Variants in HACL2 observed in about 807,000 individuals in gnomAD.
HACL2 encodes 2-hydroxyacyl-CoA lyase 1 like.
chr19:15,122,723 G>A, the HACL2 span: 1 of 1,614,062 alleles, frequency 6.2e-7, no homozygotes. This position sits in a 1 kb window ranked among gnomAD's most constrained non-coding sequence, Gnocchi z 4.0. Context: ...GAGGCCCTTG[G>A]GTGGCTTGGC....
chr19:15,119,931 T>G, the HACL2 span: 4 of 1,280,346 alleles, frequency 3.1e-6, no homozygotes, highest in Non-Finnish European at 4.3e-6. Flanking sequence ...GGGGGCCCTC[T>G]CCCCTCAGGG....
At chr19:15,122,922 C>T in the HACL2 span, 78 of 1,607,770 alleles carry the variant, frequency 4.9e-5, no homozygotes, top group African/African-American at 9.3e-5. This position sits in a 1 kb window ranked among gnomAD's most constrained non-coding sequence, Gnocchi z 4.0. Flanking sequence ...GCAGCCATCG[C>T]GGCCCTCAGG....
At chr19:15,124,574 G>A in the HACL2 span, 1 of 302,182 alleles carries the variant, frequency 3.3e-6, no homozygotes, top group Non-Finnish European at 6.2e-6. Context: ...AACTGTCACT[G>A]CCACCCCCTC....
At chr19:15,121,535 G>C in the HACL2 span, among the ~76,000 whole-genome samples, 2 of 151,998 alleles carry the variant, frequency 1.3e-5, no homozygotes, top group African/African-American at 4.8e-5. Context: ...AAGAGAAGAG[G>C]CCAGGCGCAG....
chr19:15,116,746 G>A, the HACL2 span: 1 of 550,696 alleles, frequency 1.8e-6, no homozygotes. Context: ...AAGAAACAAG[G>A]GTTAAGGAGC....
At chr19:15,123,893 C>A in the HACL2 span, 1 of 406,488 alleles carries the variant, frequency 2.5e-6, no homozygotes, top group South Asian at 3.3e-5. This position sits in a 1 kb window ranked among gnomAD's most constrained non-coding sequence, Gnocchi z 5.1. Context: ...GATGGCAGGG[C>A]AATCAGGGAG....
chr19:15,122,108 T>C, the HACL2 span, among the ~76,000 whole-genome samples: 1 of 151,376 alleles, frequency 6.6e-6, no homozygotes, highest in South Asian at 2.1e-4. This position sits in a 1 kb window ranked among gnomAD's most constrained non-coding sequence, Gnocchi z 4.0. Flanking sequence ...GGTTTCACCA[T>C]GTTAGCCAGG....
the HACL2 span, chr19:15,119,561 AT>A: frequency 2.0e-6 from 3 of 1,519,570 alleles, no homozygotes; most frequent in East Asian, 2.3e-5. Context: ...TTATTTATTT[AT>A]TTTTTTGAGA....
At chr19:15,123,328 TAGCCCACAGTCCAACCAGTCCCC>T in the HACL2 span, 2 of 1,606,352 alleles carry the variant, frequency 1.2e-6, no homozygotes, top group East Asian at 4.5e-5. The surrounding 1 kb of genome is among the most constrained non-coding windows in gnomAD (Gnocchi z 5.1). Flanking sequence ...ACAGACACTC[TAGCCCACAGTCCAACCAGTCCCC>T]AGCCCTCTCT....
chr19:15,122,560 T>G, the HACL2 span: 71 of 756,992 alleles, frequency 9.4e-5, 1 homozygote, highest in African/African-American at 4.0e-4. The surrounding 1 kb of genome is among the most constrained non-coding windows in gnomAD (Gnocchi z 4.0). Flanking sequence ...TGCTGTTCCT[T>G]CTACCTGGAA....
chr19:15,117,491 C>G, the HACL2 span: 2 of 168,580 alleles, frequency 1.2e-5, no homozygotes, highest in African/African-American at 4.8e-5. Flanking sequence ...CTGGGCAACA[C>G]AGTGAGATGC....
the HACL2 span, among the ~76,000 whole-genome samples, chr19:15,119,681 G>T: frequency 6.6e-6 from 1 of 152,204 alleles, no homozygotes; most frequent in East Asian, 1.9e-4. Context: ...CTCCAGAGTA[G>T]CTGGGATTAC....
the HACL2 span, chr19:15,115,822 T>C: frequency 6.2e-7 from 1 of 1,604,404 alleles, no homozygotes; most frequent in Non-Finnish European, 8.5e-7. Flanking sequence ...CCCCAGGCCC[T>C]AAGCTTCCCT....
chr19:15,117,289 C>T, the HACL2 span: 6 of 153,804 alleles, frequency 3.9e-5, no homozygotes, highest in African/African-American at 1.4e-4. Context: ...GCTCTCTGTC[C>T]TGAGGGCAGT....
the HACL2 span, among the ~76,000 whole-genome samples, chr19:15,122,127 G>A: frequency 1.4e-4 from 21 of 150,982 alleles, no homozygotes; most frequent in East Asian, 1.4e-3. The surrounding 1 kb of genome is among the most constrained non-coding windows in gnomAD (Gnocchi z 4.0). Context: ...GGATGGTCTC[G>A]ATCTCCTGAC....
At chr19:15,115,413 T>C in the HACL2 span, 1 of 1,613,572 alleles carries the variant, frequency 6.2e-7, no homozygotes, top group Non-Finnish European at 8.5e-7. Flanking sequence ...CCCAGACCCA[T>C]GGCTGCCTTG....
the HACL2 span, chr19:15,123,380 AG>A: frequency 6.2e-6 from 10 of 1,613,280 alleles, no homozygotes; most frequent in African/African-American, 2.7e-5. This position sits in a 1 kb window ranked among gnomAD's most constrained non-coding sequence, Gnocchi z 5.1. Flanking sequence ...CTCACCGGAC[AG>A]GCGGGCCATA....
chr19:15,118,875 G>A, the HACL2 span, among the ~76,000 whole-genome samples: 1 of 152,208 alleles, frequency 6.6e-6, no homozygotes, highest in Non-Finnish European at 1.5e-5. Flanking sequence ...TAACCCAAGT[G>A]CAGACTCATG....
chr19:15,116,433 C>A, the HACL2 span: 1 of 1,613,962 alleles, frequency 6.2e-7, no homozygotes, highest in Non-Finnish European at 8.5e-7. Flanking sequence ...TTCTGCCGGT[C>A]GGCTTCCCGC....
Sources: allele counts gnomAD v4.1 joint callset (sites outside exome capture counted in the v4.1 genomes callset), GRCh38; gene constraint gnomAD v4.1.1; non-coding constraint Gnocchi (gnomAD v3.1); transcripts MANE v1.5; gene names NCBI Gene and HGNC (gene_info 2026-07-23, HGNC 2026-07-21).